Variants in APELA observed in about 807,000 individuals in gnomAD.
APELA encodes protein Elabela.
chr4:164,886,501 A>C (rs1302488650), intron 2 of APELA, among the ~76,000 whole-genome samples: 3 of 151,984 alleles, frequency 2.0e-5, no homozygotes, highest in Non-Finnish European at 4.4e-5. Flanking sequence ...AAAATACATT[A>C]GCTGGCATGA....
chr4:164,889,107 G>T (rs1730832975), intron 2 of APELA, among the ~76,000 whole-genome samples: 1 of 148,718 alleles, frequency 6.7e-6, no homozygotes, highest in African/African-American at 2.5e-5. Flanking sequence ...GGGTTCAAGC[G>T]ATTCTCCTGC....
downstream of APELA, chr4:164,898,930 T>C (rs1731025308): frequency 6.6e-6 from 1 of 152,004 alleles, no homozygotes; most frequent in East Asian, 1.9e-4. Flanking sequence ...TTGAACTCCA[T>C]TTTTGAAAAA....
At chr4:164,878,461 A>T (rs1730599700) in intron 1 of APELA, among the ~76,000 whole-genome samples, 1 of 152,180 alleles carries the variant, frequency 6.6e-6, no homozygotes, top group South Asian at 2.1e-4. Context: ...GTAAGAAAAA[A>T]GTTCCAATTC....
intron 2 of APELA, among the ~76,000 whole-genome samples, chr4:164,893,719 G>A (rs1427736457): frequency 6.6e-6 from 1 of 152,008 alleles, no homozygotes; most frequent in Non-Finnish European, 1.5e-5. Context: ...ATATGCCTTT[G>A]CAAAGAACCT....
chr4:164,879,944 A>G (rs1730626991), intron 2 of APELA, among the ~76,000 whole-genome samples: 1 of 152,228 alleles, frequency 6.6e-6, no homozygotes, highest in African/African-American at 2.4e-5. Context: ...CACTTGTTAA[A>G]TAATGTTAGA....
intron 2 of APELA, among the ~76,000 whole-genome samples, chr4:164,882,799 A>G (rs984861111): frequency 1.2e-4 from 18 of 149,866 alleles, no homozygotes; most frequent in African/African-American, 4.2e-4. Context: ...TCCTGTGTCC[A>G]TGGGTTCTCA....
intron 2 of APELA, among the ~76,000 whole-genome samples, chr4:164,884,156 AAAGGAG>A (rs1560858144): frequency 4.0e-5 from 6 of 149,368 alleles, no homozygotes; most frequent in African/African-American, 1.5e-4. Context: ...AGAAAGAAAG[AAAGGAG>A]AAGAGAAAGA....
chr4:164,895,803 A>G lies in APELA; in HGVS notation c.*389A>G, dbSNP rs924258751. The G allele has an allele frequency of 5.3e-5, 8 of 152,224 alleles. No homozygotes were observed. The highest frequency in any genetic ancestry group is 1.9e-4 in the African/African-American group (8 of 41,462). The allele number at this position is 152,224 out of a possible 1,614,324, so 9.4% of individuals were successfully genotyped here. On this transcript the variant is annotated 3_prime_UTR_variant, in exon 3 of 3. Transcript: ENST00000507152. ...TTTAAAATGTTGCTTTCATATTCCTATAATTCTCCAAAAGTATTAAATTCG... is the reference window on the plus strand; with the variant it reads ...TTTAAAATGTTGCTTTCATATTCCTGTAATTCTCCAAAAGTATTAAATTCG...
intron 2 of APELA, among the ~76,000 whole-genome samples, chr4:164,884,143 G>C (rs1266040410): frequency 7.6e-5 from 11 of 145,442 alleles, no homozygotes; most frequent in African/African-American, 2.9e-4. Context: ...AAGAAAGAAA[G>C]AAAGAAAGAA....
chr4:164,879,748 C>A (rs1019267308), intron 2 of APELA, among the ~76,000 whole-genome samples: 16 of 152,126 alleles, frequency 1.1e-4, no homozygotes. Context: ...CTTCATATTC[C>A]TATTCAACTA....
chr4:164,888,026 A>G (rs1157688091), intron 2 of APELA, among the ~76,000 whole-genome samples: 1 of 152,040 alleles, frequency 6.6e-6, no homozygotes, highest in African/African-American at 2.4e-5. Flanking sequence ...AGGGCACCAT[A>G]CTTATTTCCA....
At chr4:164,878,872 A>G in intron 1 of APELA, 48 bp from the exon 2 acceptor site, 1 of 398,868 alleles carries the variant, frequency 2.5e-6, no homozygotes, top group Non-Finnish European at 4.4e-6. Flanking sequence ...TTAAACAACA[A>G]TTAAGCCTCT....
chr4:164,878,584 A>G (rs1413477667), intron 1 of APELA, among the ~76,000 whole-genome samples: 1 of 152,186 alleles, frequency 6.6e-6, no homozygotes, highest in Non-Finnish European at 1.5e-5. Context: ...CTTACAAAAT[A>G]TTTGTGATTA....
At chr4:164,892,189 A>G (rs980277228) in intron 2 of APELA, among the ~76,000 whole-genome samples, 3 of 151,966 alleles carry the variant, frequency 2.0e-5, no homozygotes, top group Non-Finnish European at 4.4e-5. Flanking sequence ...GGTGGCATGC[A>G]CCTACGGTCC....
At chr4:164,892,023 A>T (rs1182187430) in intron 2 of APELA, among the ~76,000 whole-genome samples, 1 of 152,048 alleles carries the variant, frequency 6.6e-6, no homozygotes, top group Non-Finnish European at 1.5e-5. Flanking sequence ...CTAAATTATC[A>T]TGTGTGGCCA....
rs184360810 is a variant in APELA at position 164,893,202 on chromosome 4, T to C, written c.*2-2214T>C. ...CTTAAGTGAAATGTTAGGTATTCAA[T>C]TGGGATCTTTCTTCTCTTTTACTAT... On this transcript the variant is annotated intron_variant, in intron 2 of 2. Coordinates refer to ENST00000507152, the MANE Select transcript of APELA (RefSeq NM_001297550.2). Among the ~76,000 whole-genome samples, 305 of 152,268 alleles carry C rather than the reference T, an allele frequency of 2.0e-3. 2 individuals are homozygous for C. Among genetic ancestry groups the C allele is most frequent in the African/African-American group, 6.8e-3 (283 of 41,570 alleles).
chr4:164,886,912 A>G (rs568527668), intron 2 of APELA, among the ~76,000 whole-genome samples: 54 of 151,254 alleles, frequency 3.6e-4, no homozygotes, highest in African/African-American at 1.3e-3. Flanking sequence ...TGCACCCTCC[A>G]CCTCCCAGGT....
At chr4:164,892,532 T>TA (rs1204215750) in intron 2 of APELA, among the ~76,000 whole-genome samples, 1 of 152,230 alleles carries the variant, frequency 6.6e-6, no homozygotes, top group Non-Finnish European at 1.5e-5. Flanking sequence ...AGATTGCTAG[T>TA]ATTTTGCTGA....
chr4:164,897,993 C>T (rs115355556), downstream of APELA, among the ~76,000 whole-genome samples: 2,028 of 152,172 alleles, frequency 0.013, 38 homozygotes, highest in African/African-American at 0.043. Context: ...CAGGTTCAAG[C>T]GATTCTGGTG....
Sources: gnomAD v4.1 joint callset for allele counts (sites outside exome capture counted in the v4.1 genomes callset) on GRCh38, gnomAD v4.1.1 for gene constraint, MANE v1.5 for transcripts, NCBI Gene and HGNC (gene_info 2026-07-23, HGNC 2026-07-21) for gene names.